Variants in KHDRBS2 observed in about 807,000 individuals in gnomAD.
KHDRBS2 encodes the protein KH domain-containing, RNA-binding, signal transduction-associated protein 2.
KHDRBS2 carries 26 observed loss-of-function variants against 44.3 expected under a neutral mutation model. The observed-to-expected ratio is 0.59, with a 90% CI of 0.43 to 0.81. The LOEUF (loss-of-function observed/expected upper bound fraction) is 0.81. KHDRBS2 is among the 40% of genes least tolerant of loss of function. The pLI is 0.00. For synonymous variants in KHDRBS2, 194 were observed against 151.1 expected, an observed-to-expected ratio of 1.28 and a Z score of -2.08; for missense variants, 476 against 433.1, an observed-to-expected ratio of 1.10 and a Z score of -0.88.
chr6:62,234,145 A>G (rs1833330359), intron 1 of KHDRBS2, among the ~76,000 whole-genome samples: 1 of 152,144 alleles, frequency 6.6e-6, no homozygotes, highest in Non-Finnish European at 1.5e-5. Flanking sequence ...GGATCTCTCC[A>G]GGATCCTCAA....
intron 6 of KHDRBS2, among the ~76,000 whole-genome samples, chr6:61,786,289 T>A (rs1783795954): frequency 6.6e-6 from 1 of 152,032 alleles, no homozygotes; most frequent in Non-Finnish European, 1.5e-5. Flanking sequence ...AAATATTCCA[T>A]ATCCCCCAAA....
At chr6:61,964,761 A>G (rs1348999007) in intron 4 of KHDRBS2, among the ~76,000 whole-genome samples, 2 of 152,096 alleles carry the variant, frequency 1.3e-5, no homozygotes, top group African/African-American at 2.4e-5. Context: ...TGTAACATAA[A>G]TAACAGATGA....
chr6:61,871,499 T>C (rs1659880341), intron 6 of KHDRBS2, among the ~76,000 whole-genome samples: 1 of 152,048 alleles, frequency 6.6e-6, no homozygotes, highest in South Asian at 2.1e-4. Context: ...ATTCAGGAAA[T>C]ACAGACAACA....
intron 2 of KHDRBS2, among the ~76,000 whole-genome samples, chr6:62,142,832 G>A (rs900855043): frequency 1.3e-5 from 2 of 150,882 alleles, no homozygotes; most frequent in African/African-American, 4.9e-5. Context: ...ATATAATATT[G>A]AGAAAGAAAA....
At chr6:61,796,525 A>G (rs1421129925) in intron 6 of KHDRBS2, among the ~76,000 whole-genome samples, 5 of 152,040 alleles carry the variant, frequency 3.3e-5, no homozygotes, top group African/African-American at 1.2e-4. Flanking sequence ...CTCGCTTTTG[A>G]GTCTATTTTT....
At chr6:61,759,573 G>A (rs890709754) in intron 6 of KHDRBS2, among the ~76,000 whole-genome samples, 1 of 151,926 alleles carries the variant, frequency 6.6e-6, no homozygotes, top group Non-Finnish European at 1.5e-5. Flanking sequence ...GGTTTCAGGG[G>A]TACCCCCAAA....
At chr6:61,862,520 T>C (rs1797142126) in intron 6 of KHDRBS2, among the ~76,000 whole-genome samples, 1 of 152,152 alleles carries the variant, frequency 6.6e-6, no homozygotes, top group African/African-American at 2.4e-5. Flanking sequence ...TGAGAACACT[T>C]AACATAAAGT....
intron 6 of KHDRBS2, among the ~76,000 whole-genome samples, chr6:61,834,603 C>CT (rs796193317): frequency 4.6e-5 from 7 of 152,118 alleles, no homozygotes; most frequent in African/African-American, 1.7e-4. Flanking sequence ...AAAGATGTCA[C>CT]TATGCCAAAG....
In KHDRBS2 at chr6:62,066,207, C is replaced by T. The variant is rs540926050; in HGVS notation, c.220-18213G>A. On this transcript the variant is annotated intron_variant, in intron 2 of 8. Transcript: ENST00000281156. ...TTATAACTACAGCTCAAAAGCAAACCCTATTTTTTCAGCCTATTCAATTGT... is the reference window on the plus strand; with the variant it reads ...TTATAACTACAGCTCAAAAGCAAACTCTATTTTTTCAGCCTATTCAATTGT... 1.1e-4 allele frequency among the ~76,000 whole-genome samples: 16 copies of T among 151,688 alleles called. No individual in the cohort carries two copies. In the South Asian group the frequency reaches 3.3e-3, roughly 32 times the overall value.
chr6:61,604,809 AG>A, the KHDRBS2 span, among the ~76,000 whole-genome samples: 1 of 152,184 alleles, frequency 6.6e-6, no homozygotes, highest in Non-Finnish European at 1.5e-5. Flanking sequence ...GGATGTGTAG[AG>A]GCCTATCCCA....
At chr6:61,954,908 G>GTATACATATATATGTATATATACA (rs1562514474) in intron 4 of KHDRBS2, among the ~76,000 whole-genome samples, 1 of 79,644 alleles carries the variant, frequency 1.3e-5, no homozygotes, top group Non-Finnish European at 2.5e-5. Flanking sequence ...ACATATGTGT[G>GTATACATATATATGTATATATACA]CATACATATA....
At chr6:61,872,461 T>C (rs1160162348) in intron 6 of KHDRBS2, among the ~76,000 whole-genome samples, 1 of 152,102 alleles carries the variant, frequency 6.6e-6, no homozygotes, top group Non-Finnish European at 1.5e-5. Flanking sequence ...TTTAAGTTGC[T>C]ATACAATACA....
the KHDRBS2 span, among the ~76,000 whole-genome samples, chr6:61,632,926 T>A: frequency 6.6e-6 from 1 of 152,170 alleles, no homozygotes. Flanking sequence ...CAGTTACCTC[T>A]TTTGAAGTAT....
intron 2 of KHDRBS2, among the ~76,000 whole-genome samples, chr6:62,113,186 A>G (rs1805422828): frequency 6.6e-6 from 1 of 152,230 alleles, no homozygotes; most frequent in South Asian, 2.1e-4. Context: ...CCTCCCATTA[A>G]GAATGGACAT....
chr6:61,980,760 G>A (rs1049367564), intron 3 of KHDRBS2, among the ~76,000 whole-genome samples: 7 of 152,164 alleles, frequency 4.6e-5, no homozygotes, highest in Non-Finnish European at 1.0e-4. Flanking sequence ...CTGATTTACA[G>A]CCCAAACCAC....
chr6:61,719,615 T>G (rs1031085615), intron 7 of KHDRBS2, among the ~76,000 whole-genome samples: 4 of 152,096 alleles, frequency 2.6e-5, no homozygotes, highest in Non-Finnish European at 2.9e-5. Context: ...ATTTGAAGCT[T>G]GCATAATCAA....
Position 62,050,913 on chromosome 6 carries a change from G to A in KHDRBS2, c.220-2919C>T, listed in dbSNP as rs1458544083. 3.3e-5 allele frequency among the ~76,000 whole-genome samples: 5 copies of A among 152,132 alleles called. 1 individual carries two copies. Among genetic ancestry groups the A allele is most frequent in the African/African-American group, 9.6e-5 (4 of 41,550 alleles). On this transcript the variant is annotated intron_variant, in intron 2 of 8. Transcript: ENST00000281156. ...AACAAGTGCTCATCCTAGAAGTACG[G>A]ACAAACAAGTTTATATGTAAACAGA...
the KHDRBS2 span, among the ~76,000 whole-genome samples, chr6:61,635,116 C>T: frequency 2.6e-5 from 4 of 151,982 alleles, no homozygotes; most frequent in Non-Finnish European, 4.4e-5. Context: ...CTCATTACTT[C>T]ATTGCATCAG....
At chr6:62,089,060 C>T (rs1798980200) in intron 2 of KHDRBS2, among the ~76,000 whole-genome samples, 1 of 152,018 alleles carries the variant, frequency 6.6e-6, no homozygotes, top group African/African-American at 2.4e-5. Flanking sequence ...TAATGGTGGA[C>T]TCTCCTCCCC....
Sources: gnomAD v4.1 joint callset for allele counts (sites outside exome capture counted in the v4.1 genomes callset) on GRCh38, gnomAD v4.1.1 for gene constraint, MANE v1.5 for transcripts, NCBI Gene and HGNC (gene_info 2026-07-23, HGNC 2026-07-21) for gene names.